FSTL5: variants seen among roughly 807,000 people sequenced by gnomAD.
The protein encoded by FSTL5 is follistatin like 5, also known as follistatin-related protein 5.
A neutral mutation model predicts 89.1 loss-of-function variants in FSTL5; 62 were observed. The ratio of observed to expected loss-of-function variants is 0.70; its 90% CI spans 0.57 to 0.86. The LOEUF (loss-of-function observed/expected upper bound fraction) is 0.86, where lower values mean the gene tolerates loss of function less well. Among genes scored for constraint, FSTL5 ranks in the 40% least tolerant of loss-of-function variants. The pLI, the probability that FSTL5 is intolerant of heterozygous loss-of-function variation, is 0.00. For missense variants in FSTL5, 1,057 were observed against 1,001.6 expected (o/e 1.06, Z -0.75); for synonymous variants, 383 against 346.2 (o/e 1.11, Z -1.18).
In FSTL5 at chr4:162,137,076, G is replaced by A. The variant is rs1242647575; in HGVS notation, c.-16-25664C>T. 2.6e-5 allele frequency among the ~76,000 whole-genome samples: 4 copies of A among 152,062 alleles called. No homozygotes were observed. The South Asian group carries it at 6.2e-4, about 24-fold the overall frequency. On this transcript the variant is annotated intron_variant, in intron 1 of 15. Transcript: ENST00000306100. Reference sequence around the variant, plus strand: ...AAAAAATGAACCATACTAAACAAGAGAGAATACATGTTTAAAATATACTTT... The same window carrying A: ...AAAAAATGAACCATACTAAACAAGAAAGAATACATGTTTAAAATATACTTT...
At chr4:161,728,906 TA>T (rs1406141697) in intron 6 of FSTL5, among the ~76,000 whole-genome samples, 2 of 152,182 alleles carry the variant, frequency 1.3e-5, no homozygotes, top group Non-Finnish European at 2.9e-5. Context: ...CACCTGCAGT[TA>T]ACGTTGCCAC....
chr4:161,762,963 A>G (rs938460542), intron 5 of FSTL5, among the ~76,000 whole-genome samples: 12 of 152,338 alleles, frequency 7.9e-5, no homozygotes, highest in African/African-American at 2.2e-4. Flanking sequence ...TTGAACTTCA[A>G]TGTAATAGAA....
At chr4:161,725,745 A>G (rs1739376118) in intron 6 of FSTL5, among the ~76,000 whole-genome samples, 1 of 152,148 alleles carries the variant, frequency 6.6e-6, no homozygotes, top group Non-Finnish European at 1.5e-5. Flanking sequence ...AATAATGATA[A>G]TGCTTGCTGA....
chr4:161,809,927 T>C (rs1730086772), intron 4 of FSTL5, among the ~76,000 whole-genome samples: 1 of 152,134 alleles, frequency 6.6e-6, no homozygotes, highest in South Asian at 2.1e-4. Context: ...CACACAACAA[T>C]GTAAAGGTAC....
chr4:161,826,630 TATC>T (rs1730678127), intron 4 of FSTL5, among the ~76,000 whole-genome samples: 1 of 152,216 alleles, frequency 6.6e-6, no homozygotes, highest in African/African-American at 2.4e-5. Context: ...CAAGTCCTTT[TATC>T]ATTATGTAAT....
intron 7 of FSTL5, among the ~76,000 whole-genome samples, chr4:161,602,950 T>G (rs184981567): frequency 3.4e-4 from 52 of 152,304 alleles, no homozygotes; most frequent in Non-Finnish European, 6.0e-4. Context: ...GAAAGAAAGC[T>G]GGATGTGTAC....
chr4:161,882,665 T>C (rs749252373), intron 4 of FSTL5, among the ~76,000 whole-genome samples: 2 of 152,132 alleles, frequency 1.3e-5, no homozygotes, highest in African/African-American at 2.4e-5. Flanking sequence ...TAGAGTATGT[T>C]CCATTTAAAT....
At chr4:161,784,909 A>AAAACAAAC in intron 4 of FSTL5, among the ~76,000 whole-genome samples, 1 of 133,640 alleles carries the variant, frequency 7.5e-6, no homozygotes, top group Non-Finnish European at 1.6e-5. Context: ...AACAAAAACA[A>AAAACAAAC]ACAAACAAAA....
At chr4:161,441,586 G>T (rs995943199) in intron 15 of FSTL5, among the ~76,000 whole-genome samples, 2 of 151,998 alleles carry the variant, frequency 1.3e-5, no homozygotes, top group African/African-American at 2.4e-5. Context: ...AAATTTCACT[G>T]AGTTAAGTCT....
At chr4:162,057,337 C>T (rs1284774845) in intron 2 of FSTL5, among the ~76,000 whole-genome samples, 1 of 152,084 alleles carries the variant, frequency 6.6e-6, no homozygotes, top group African/African-American at 2.4e-5. Flanking sequence ...GTCTCCCCTG[C>T]CATTACAACG....
At chr4:161,651,296 A>T (rs1736332367) in intron 7 of FSTL5, among the ~76,000 whole-genome samples, 1 of 151,848 alleles carries the variant, frequency 6.6e-6, no homozygotes, top group Non-Finnish European at 1.5e-5. Flanking sequence ...TAGTCAAGAG[A>T]AAAGATAGCA....
chr4:161,826,306 T>C, intron 4 of FSTL5, among the ~76,000 whole-genome samples: 1 of 152,210 alleles, frequency 6.6e-6, no homozygotes, highest in East Asian at 1.9e-4. Context: ...ATATGGTCTC[T>C]CTTGGAGAAA....
intron 2 of FSTL5, among the ~76,000 whole-genome samples, chr4:162,102,620 AT>A (rs1455521677): frequency 1.4e-5 from 2 of 145,814 alleles, no homozygotes; most frequent in East Asian, 4.0e-4. Flanking sequence ...TATATATAAA[AT>A]ATTTATAACA....
intron 13 of FSTL5, among the ~76,000 whole-genome samples, chr4:161,474,120 G>A (rs1001015132): frequency 6.6e-6 from 1 of 151,856 alleles, no homozygotes; most frequent in African/African-American, 2.4e-5. Context: ...ATATTCTGCA[G>A]CTATTTTCTT....
intron 2 of FSTL5, among the ~76,000 whole-genome samples, chr4:162,037,361 T>C (rs185999955): frequency 1.6e-3 from 241 of 151,964 alleles, no homozygotes; most frequent in Non-Finnish European, 2.9e-3. Context: ...GGAAAGGTGG[T>C]TGGCTAATTG....
rs552846680 is a variant in FSTL5 at position 161,736,430 on chromosome 4, G to A, written c.727+22981C>T. On this transcript the variant is annotated intron_variant, in intron 6 of 15. Coordinates refer to ENST00000306100, the MANE Select transcript of FSTL5 (RefSeq NM_020116.5). ...ATGAAGTGAATCTACCACTTAAGAAGCAGTTTTGGCTCTATTAATGCCATC... is the reference window on the plus strand; with the variant it reads ...ATGAAGTGAATCTACCACTTAAGAAACAGTTTTGGCTCTATTAATGCCATC... 4.6e-5 allele frequency among the ~76,000 whole-genome samples: 7 copies of A among 152,184 alleles called. No individual in the cohort carries two copies. In the East Asian group the frequency reaches 1.4e-3, roughly 29 times the overall value.
At position 161,691,409 on chromosome 4, in the gene FSTL5, T is replaced by C. The variant is rs960314637; in HGVS notation, c.728-34915A>G. Among the ~76,000 whole-genome samples the C allele has an allele frequency of 4.6e-5, 7 of 152,150 alleles. No individual in the cohort carries two copies. In the East Asian group the frequency reaches 5.8e-4, roughly 13 times the overall value. On this transcript the variant is annotated intron_variant, in intron 6 of 15. Transcript: ENST00000306100. ...GCATTGTTCTACATGCCTATCTTTC[T>C]ACCCGTGCCACACTTGATTGTTATA...
In FSTL5 at chr4:161,459,247, A is replaced by C. The variant is rs376588202; in HGVS notation, c.1681T>G (p.Trp561Gly). ...KSHDQVWVLS[W>G]GTLEKTSPTL... is the part of the protein sequence containing the mutation. ...GGTGATGTCTTCTCCAAGGTACCCC[A>C]GCTTAGCACCCAGACCTGATCATGT... The change falls in exon 14 of 16, where the codon TGG becomes GGG. Residue 561 changes from tryptophan (W) to glycine (G), a missense_variant. By Grantham distance (184) the Trp-to-Gly change is radical. Coordinates refer to ENST00000306100, the MANE Select transcript of FSTL5 (RefSeq NM_020116.5). The C allele has an allele frequency of 4.3e-6, 7 of 1,613,046 alleles. No individual in the cohort carries two copies. The Admixed American group carries it at 6.7e-5, about 15-fold the overall frequency.
chr4:161,603,172 C>T (rs1734310734), intron 7 of FSTL5, among the ~76,000 whole-genome samples: 1 of 152,108 alleles, frequency 6.6e-6, no homozygotes, highest in Admixed American at 6.6e-5. Flanking sequence ...ATTATACACA[C>T]ACACATTGGC....
Sources: gnomAD v4.1 joint callset for allele counts (sites outside exome capture counted in the v4.1 genomes callset) on GRCh38, gnomAD v4.1.1 for gene constraint, MANE v1.5 for transcripts, NCBI Gene and HGNC (gene_info 2026-07-23, HGNC 2026-07-21) for gene names.